WDR7: variants seen among roughly 807,000 people sequenced by gnomAD.
WDR7 encodes the protein WD repeat domain 7.
In WDR7, 46 loss-of-function variants were observed where a neutral mutation model predicts 169.4. The ratio of observed to expected loss-of-function variants is 0.27; its 90% confidence interval spans 0.21 to 0.35. The LOEUF is 0.35. WDR7 is among the 10% of genes least tolerant of loss of function. The pLI is 1.00. For synonymous variants in WDR7, 612 were observed against 666.8 expected, an observed-to-expected ratio of 0.92 and a Z score of 1.27; for missense variants, 1,534 against 1,859.3, an observed-to-expected ratio of 0.83 and a Z score of 3.22.
chr18:56,900,821 AG>A lies in WDR7; in HGVS notation c.3526+20658del, dbSNP rs2046392042. On this transcript the variant is annotated intron_variant, in intron 21 of 27. Coordinates refer to ENST00000254442, the MANE Select transcript of WDR7 (RefSeq NM_015285.3). ...CACAGCCTGCCATTTTCCAAGGGTT[AG>A]GCCATCCACAGCAGCTTGGGGAGGG... Among the ~76,000 whole-genome samples, 3 of 152,140 alleles carry A rather than the reference AG, an allele frequency of 2.0e-5. No homozygotes were observed. The South Asian group carries it at 6.2e-4, about 32-fold the overall frequency.
At chr18:56,719,439 G>A (rs554581881) in intron 13 of WDR7, among the ~76,000 whole-genome samples, 1 of 152,040 alleles carries the variant, frequency 6.6e-6, no homozygotes, top group African/African-American at 2.4e-5. Flanking sequence ...GCGGGCGCCT[G>A]TAGTCCCAGC....
chr18:56,653,793 A>G (rs563045337), intron 1 of WDR7, among the ~76,000 whole-genome samples: 1 of 152,310 alleles, frequency 6.6e-6, no homozygotes, highest in African/African-American at 2.4e-5. Flanking sequence ...ATTTGTAGAT[A>G]CCCATGTTAT....
At chr18:56,933,879 C>T (rs1332949539) in intron 22 of WDR7, among the ~76,000 whole-genome samples, 3 of 152,182 alleles carry the variant, frequency 2.0e-5, no homozygotes, top group African/African-American at 7.2e-5. Context: ...GGCTCTGCAC[C>T]CAGTTCTTCC....
At chr18:56,764,065 TTA>T (rs2044024362) in intron 16 of WDR7, among the ~76,000 whole-genome samples, 5 of 126,692 alleles carry the variant, frequency 3.9e-5, no homozygotes, top group Admixed American at 3.9e-4. Context: ...TGATTATTAT[TTA>T]TTTTTTCTAT....
intron 12 of WDR7, among the ~76,000 whole-genome samples, chr18:56,706,994 T>TA (rs937721161): frequency 4.0e-5 from 6 of 150,570 alleles, no homozygotes; most frequent in South Asian, 2.1e-4. Context: ...TTTTATTTTT[T>TA]TTTTTGAGAG....
At chr18:56,747,246 A>G (rs1208278544) in intron 14 of WDR7, among the ~76,000 whole-genome samples, 1 of 152,132 alleles carries the variant, frequency 6.6e-6, no homozygotes, top group South Asian at 2.1e-4. Context: ...TATTGTCACC[A>G]TTGACTTGCT....
At chr18:56,671,478 G>T (rs1217773577) in intron 1 of WDR7, among the ~76,000 whole-genome samples, 1 of 152,052 alleles carries the variant, frequency 6.6e-6, no homozygotes, top group Non-Finnish European at 1.5e-5. Flanking sequence ...CACCTTGTTG[G>T]CCAGGCTGGT....
intron 20 of WDR7, among the ~76,000 whole-genome samples, chr18:56,835,946 C>A (rs930863350): frequency 5.3e-5 from 8 of 151,968 alleles, no homozygotes; most frequent in African/African-American, 1.9e-4. Context: ...AAGTGAGGCA[C>A]CTGATGTATA....
In WDR7 at chr18:56,895,779, A is replaced by G. The variant is rs530246076; in HGVS notation, c.3526+15614A>G. 4.7e-4 allele frequency among the ~76,000 whole-genome samples: 71 copies of G among 151,960 alleles called. No homozygotes were observed. The South Asian group carries it at 8.9e-3, about 19-fold the overall frequency. ...ATATACTACCGAGGGAACTAAAATA[A>G]TATTTGAGTAAATGGTTTGCATTTC... On this transcript the variant is annotated intron_variant, in intron 21 of 27. Coordinates refer to ENST00000254442, the MANE Select transcript of WDR7 (RefSeq NM_015285.3).
rs2048111353 is a variant in WDR7, at chr18:57,009,682, TA to T, written c.4165-11062del. Among the ~76,000 whole-genome samples, 2 of 152,254 alleles carry T rather than the reference TA, an allele frequency of 1.3e-5. 1 individual carries two copies. ...GTATGGTAATGTTGGTTAATATATG[TA>T]TGAATTTTAGAATTTTATTTTATGT... On this transcript the variant is annotated intron_variant, in intron 26 of 27. Coordinates refer to ENST00000254442, the MANE Select transcript of WDR7 (RefSeq NM_015285.3).
chr18:56,757,736 C>T (rs1299126890), intron 15 of WDR7, among the ~76,000 whole-genome samples: 2 of 152,068 alleles, frequency 1.3e-5, no homozygotes, highest in Non-Finnish European at 2.9e-5. Context: ...CTTTGGGAGG[C>T]TGAGGCAGGA....
At chr18:56,699,181 A>G (rs1053303384) in intron 12 of WDR7, among the ~76,000 whole-genome samples, 1 of 152,238 alleles carries the variant, frequency 6.6e-6, no homozygotes, top group African/African-American at 2.4e-5. Context: ...TAACCTGTTC[A>G]GTTAGCTGGT....
chr18:56,913,370 G>A (rs1242482380), intron 21 of WDR7, among the ~76,000 whole-genome samples: 18 of 152,084 alleles, frequency 1.2e-4, no homozygotes, highest in Admixed American at 1.2e-3. Flanking sequence ...TTCACTACAT[G>A]TAACCACCAT....
At chr18:56,693,783 G>T (rs2025633885) in intron 9 of WDR7, among the ~76,000 whole-genome samples, 1 of 151,850 alleles carries the variant, frequency 6.6e-6, no homozygotes, top group African/African-American at 2.4e-5. Context: ...TGTTGGCCAG[G>T]CTGGTCTTGA....
intron 1 of WDR7, among the ~76,000 whole-genome samples, chr18:56,665,258 A>G (rs1054355663): frequency 6.7e-6 from 1 of 150,228 alleles, no homozygotes; most frequent in Non-Finnish European, 1.5e-5. Flanking sequence ...GCACCACTGC[A>G]CTCCCGCCTG....
intron 20 of WDR7, among the ~76,000 whole-genome samples, chr18:56,844,673 G>A (rs1461211182): frequency 1.3e-5 from 2 of 152,164 alleles, no homozygotes; most frequent in East Asian, 1.9e-4. Context: ...TTCAAACAAG[G>A]CCTTACAAGG....
At chr18:56,749,482 AT>A (rs1193990098) in intron 14 of WDR7, among the ~76,000 whole-genome samples, 1 of 150,338 alleles carries the variant, frequency 6.7e-6, no homozygotes, top group Non-Finnish European at 1.5e-5. Flanking sequence ...GGAGATTCTG[AT>A]TTTTTTTTAA....
intron 21 of WDR7, among the ~76,000 whole-genome samples, chr18:56,887,845 G>C (rs2145510298): frequency 6.6e-6 from 1 of 152,124 alleles, no homozygotes; most frequent in South Asian, 2.1e-4. Context: ...TGTCTTACGT[G>C]TACTCTTTTT....
chr18:56,697,359 T>A (rs1280032215), intron 12 of WDR7, among the ~76,000 whole-genome samples: 1 of 152,222 alleles, frequency 6.6e-6, no homozygotes, highest in East Asian at 1.9e-4. Context: ...TCCTGATAAT[T>A]TATTTTATCA....
Sources: gnomAD v4.1 joint callset for allele counts (sites outside exome capture counted in the v4.1 genomes callset) on GRCh38, gnomAD v4.1.1 for gene constraint, MANE v1.5 for transcripts, NCBI Gene and HGNC (gene_info 2026-07-23, HGNC 2026-07-21) for gene names.